Variants in ANKRD13C observed in about 807,000 individuals in gnomAD.
The protein encoded by ANKRD13C is ankyrin repeat domain 13C.
ANKRD13C carries 16 observed loss-of-function variants against 65.5 expected under a neutral mutation model. The ratio of observed to expected loss-of-function variants is 0.24; its 90% CI spans 0.17 to 0.37. The LOEUF (loss-of-function observed/expected upper bound fraction) is 0.37. ANKRD13C is among the 10% of genes least tolerant of loss of function. The pLI, the probability that ANKRD13C is intolerant of heterozygous loss-of-function variation, is 1.00. For synonymous variants in ANKRD13C, 235 were observed against 238.7 expected (o/e 0.98, Z 0.14); for missense variants, 503 against 655.9 (o/e 0.77, Z 2.55).
intron 9 of ANKRD13C, among the ~76,000 whole-genome samples, chr1:70,290,975 C>T (rs1210819739): frequency 1.3e-5 from 2 of 152,032 alleles, no homozygotes; most frequent in Non-Finnish European, 2.9e-5. Context: ...TAAAGGATCC[C>T]TATATTGCAG....
chr1:70,314,697 T>G (rs1680998799), intron 4 of ANKRD13C, among the ~76,000 whole-genome samples: 1 of 151,542 alleles, frequency 6.6e-6, no homozygotes, highest in Admixed American at 6.6e-5. Context: ...CATTGCAATA[T>G]GAGTAAAACA....
Position 70,283,583 on chromosome 1 carries a change from G to C in ANKRD13C, c.1216-6739C>G, listed in dbSNP as rs543030299. Among the ~76,000 whole-genome samples, 12 of 152,124 alleles carry C rather than the reference G, an allele frequency of 7.9e-5. No individual in the cohort carries two copies. The East Asian group carries it at 2.3e-3, about 29-fold the overall frequency. ...TGTAATCCCAGCACTTTAGGAGGTC[G>C]AGGCGGGTGGATCCTGAGGTCAGGA... is the stretch of plus-strand genomic sequence containing the variant. On this transcript the variant is annotated intron_variant, in intron 9 of 12. Transcript: ENST00000370944.
In ANKRD13C at chr1:70,324,929, A is replaced by G. The variant is rs745579356; in HGVS notation, c.501T>C (p.Asn167=). ...GAGCATTTTTCACCTTGACTGGAGC[A>G]TTGTGAGCCAAAAGTAAATGGGCAC... ...KECAHLLLAH[N]APVKVKNAQG... Residue 167 remains asparagine, a synonymous_variant, in exon 3 of 13, where the codon AAT becomes AAC. Coordinates refer to ENST00000370944, the MANE Select transcript of ANKRD13C (RefSeq NM_030816.5). 5 of 1,611,408 alleles carry G rather than the reference A, an allele frequency of 3.1e-6. No individual in the cohort carries two copies. Among genetic ancestry groups the G allele is most frequent in the Non-Finnish European group, 4.2e-6 (5 of 1,178,450 alleles).
intron 1 of ANKRD13C, among the ~76,000 whole-genome samples, chr1:70,351,690 G>T (rs1408187798): frequency 6.6e-6 from 1 of 152,070 alleles, no homozygotes; most frequent in African/African-American, 2.4e-5. Flanking sequence ...GTGAGCCACC[G>T]CACCTGGCCA....
At chr1:70,284,104 C>T (rs1679519326) in intron 9 of ANKRD13C, among the ~76,000 whole-genome samples, 2 of 152,020 alleles carry the variant, frequency 1.3e-5, no homozygotes, top group African/African-American at 4.8e-5. Flanking sequence ...AGAAGAGGCA[C>T]AGTAAAAGTA....
At chr1:70,324,089 A>G (rs1172430651) in intron 3 of ANKRD13C, among the ~76,000 whole-genome samples, 1 of 152,176 alleles carries the variant, frequency 6.6e-6, no homozygotes, top group Non-Finnish European at 1.5e-5. Context: ...GACTGAATCT[A>G]TGTAACACCT....
At chr1:70,350,516 T>C (rs940161654) in intron 1 of ANKRD13C, among the ~76,000 whole-genome samples, 2 of 152,190 alleles carry the variant, frequency 1.3e-5, no homozygotes, top group Non-Finnish European at 2.9e-5. Context: ...TGGGCCGTTA[T>C]ATAAAAAAGA....
At chr1:70,324,731 T>A in intron 3 of ANKRD13C, 122 bp downstream of exon 3, 1 of 596,466 alleles carries the variant, frequency 1.7e-6, no homozygotes, top group Non-Finnish European at 2.8e-6. Flanking sequence ...AATTCACATG[T>A]AAGTTTACAC....
intron 9 of ANKRD13C, among the ~76,000 whole-genome samples, chr1:70,288,790 C>T (rs1216542055): frequency 2.6e-5 from 4 of 152,188 alleles, no homozygotes; most frequent in South Asian, 2.1e-4. Flanking sequence ...CATGAGGGAT[C>T]GTATGGTGGT....
At chr1:70,263,856 T>A (rs2101089398) in intron 12 of ANKRD13C, among the ~76,000 whole-genome samples, 1 of 152,284 alleles carries the variant, frequency 6.6e-6, no homozygotes, top group South Asian at 2.1e-4. Flanking sequence ...AATTCAAGTG[T>A]CTACCTAGGG....
chr1:70,330,038 C>T (rs1332117889), intron 2 of ANKRD13C, among the ~76,000 whole-genome samples: 1 of 145,296 alleles, frequency 6.9e-6, no homozygotes, highest in Non-Finnish European at 1.5e-5. Context: ...TGCAGTGAGC[C>T]GAGATGCACC....
intron 9 of ANKRD13C, among the ~76,000 whole-genome samples, chr1:70,284,667 C>T (rs866712605): frequency 1.4e-4 from 21 of 152,180 alleles, no homozygotes; most frequent in African/African-American, 3.9e-4. Flanking sequence ...TCTCTATCTT[C>T]GTAACTCAGA....
In ANKRD13C at chr1:70,313,768, A is replaced by G. The variant is rs1302629862; in HGVS notation, c.686T>C (p.Leu229Pro). 1.2e-6 allele frequency: 2 copies of G among 1,609,812 alleles called. No individual in the cohort carries two copies. The highest frequency in any genetic ancestry group is 2.7e-5 in the African/African-American group (2 of 74,864). Reference sequence around the variant, plus strand: ...ACCCCAGCTTTGAAAATCCCAGTGAAGTTCTAGATAAAAGTCACCTAGCTG... The same window carrying G: ...ACCCCAGCTTTGAAAATCCCAGTGAGGTTCTAGATAAAAGTCACCTAGCTG... ...LKELGDFYLE[L>P]HWDFQSWVPL... Residue 229 changes from leucine to proline, a missense_variant, in exon 5 of 13, where the codon CTT (leucine) becomes CCT (proline). By Grantham distance (98) the Leu-to-Pro change is moderately conservative. Transcript: ENST00000370944.
At chr1:70,322,223 AC>A (rs1681342213) in intron 3 of ANKRD13C, among the ~76,000 whole-genome samples, 1 of 152,002 alleles carries the variant, frequency 6.6e-6, no homozygotes, top group Admixed American at 6.6e-5. Context: ...AACCGCTTGA[AC>A]TCGGTCTCAA....
chr1:70,307,940 C>T (rs1191694661), intron 5 of ANKRD13C, among the ~76,000 whole-genome samples: 1 of 151,986 alleles, frequency 6.6e-6, no homozygotes, highest in Non-Finnish European at 1.5e-5. Flanking sequence ...CACAGCAAAA[C>T]CCTATCTCTT....
In ANKRD13C at chr1:70,261,405, T is replaced by C. The variant is rs1390752463; in HGVS notation, c.*1312A>G. The C allele has an allele frequency of 6.6e-6, 1 of 152,102 alleles. No individual in the cohort carries two copies. The highest frequency in any genetic ancestry group is 1.5e-5 in the Non-Finnish European group (1 of 67,950). 9.4% of individuals were successfully genotyped at this position (152,102 alleles called of 1,614,324 possible). A position where few individuals can be genotyped will look rare whatever the true frequency, so the allele number is the denominator to read the frequency against. Reference sequence around the variant, plus strand: ...CTTGACAGATGCATTCTTGAGACATTCATCAGGATACATTTTAAAAACATC... The same window carrying C: ...CTTGACAGATGCATTCTTGAGACATCCATCAGGATACATTTTAAAAACATC... On this transcript the variant is annotated 3_prime_UTR_variant, in exon 13 of 13. Transcript: ENST00000370944.
intron 1 of ANKRD13C, among the ~76,000 whole-genome samples, chr1:70,346,822 T>C (rs1201190893): frequency 3.3e-5 from 5 of 152,080 alleles, no homozygotes; most frequent in Admixed American, 3.3e-4. Context: ...GCGGGCGCGG[T>C]GGCTCACGCC....
intron 6 of ANKRD13C, among the ~76,000 whole-genome samples, chr1:70,305,073 T>A (rs1680532370): frequency 6.6e-6 from 1 of 151,964 alleles, no homozygotes; most frequent in South Asian, 2.1e-4. Flanking sequence ...GCCTGGGCAA[T>A]ATAGTGAGAC....
At chr1:70,318,312 CAACT>C (rs1681156104) in intron 3 of ANKRD13C, among the ~76,000 whole-genome samples, 1 of 152,146 alleles carries the variant, frequency 6.6e-6, no homozygotes, top group Non-Finnish European at 1.5e-5. Flanking sequence ...CCATAAACCA[CAACT>C]AATTTTACTT....
Sources: allele counts gnomAD v4.1 joint callset (sites outside exome capture counted in the v4.1 genomes callset), GRCh38; gene constraint gnomAD v4.1.1; transcripts MANE v1.5; gene names NCBI Gene and HGNC (gene_info 2026-07-23, HGNC 2026-07-21).